TMX4: variants seen among roughly 807,000 people sequenced by gnomAD.
TMX4 encodes the protein thioredoxin related transmembrane protein 4.
TMX4 carries 23 observed loss-of-function variants against 33.3 expected under a neutral mutation model. That is an observed-to-expected ratio of 0.69 (90% CI 0.50 to 0.98). The LOEUF is 0.98. Among genes scored for constraint, TMX4 ranks in the 50% least tolerant of loss-of-function variants. The probability of loss-of-function intolerance (pLI) is 0.00; values close to 1 mark genes in which losing one functional copy is unlikely to be tolerated. For missense variants in TMX4, 399 were observed against 448.9 expected, an observed-to-expected ratio of 0.89 and a Z score of 1.01; for synonymous variants, 164 against 161.5, an observed-to-expected ratio of 1.02 and a Z score of -0.12.
intron 5 of TMX4, among the ~76,000 whole-genome samples, chr20:7,991,912 C>T (rs954362659): frequency 9.2e-5 from 14 of 151,590 alleles, no homozygotes; most frequent in Admixed American, 2.0e-4. Flanking sequence ...AAGGATAGTG[C>T]CACTCTGTAG....
At chr20:7,995,896 G>C in intron 5 of TMX4, 130 bp downstream of exon 5, 2 of 759,134 alleles carry the variant, frequency 2.6e-6, no homozygotes, top group Middle Eastern at 4.0e-4. Flanking sequence ...CATGAGAGTA[G>C]TTGCATGGCT....
chr20:8,019,629 A>T lies in TMX4; in HGVS notation c.-16T>A. The T allele has an allele frequency of 2.3e-6, 3 of 1,331,324 alleles. No homozygotes were observed. The highest frequency in any genetic ancestry group is 2.9e-6 in the Non-Finnish European group (3 of 1,040,310). 82.5% of individuals were successfully genotyped at this position (1,331,324 alleles called of 1,614,324 possible). Reference sequence around the variant, plus strand: ...CACCCGCCATGTTGGGCGCCGAGCGAGGCTTCTCGGCGGGGAGTGTGGGGA... The same window carrying T: ...CACCCGCCATGTTGGGCGCCGAGCGTGGCTTCTCGGCGGGGAGTGTGGGGA... On this transcript the variant is annotated 5_prime_UTR_variant, in exon 1 of 8. Coordinates refer to ENST00000246024, the MANE Select transcript of TMX4 (RefSeq NM_021156.4).
At chr20:8,015,008 CTT>C (rs79573868) in intron 1 of TMX4, among the ~76,000 whole-genome samples, 29 of 142,770 alleles carry the variant, frequency 2.0e-4, no homozygotes, top group Admixed American at 1.4e-4. Context: ...TTCTTTTTTT[CTT>C]TTTTTTTTTT....
intron 7 of TMX4, 67 bp downstream of exon 7, chr20:7,983,727 T>C: frequency 7.4e-7 from 1 of 1,358,014 alleles, no homozygotes. Flanking sequence ...ACTATCTATA[T>C]GAGCACAAAA....
At chr20:8,014,137 C>A (rs1191024774) in intron 1 of TMX4, among the ~76,000 whole-genome samples, 1 of 152,146 alleles carries the variant, frequency 6.6e-6, no homozygotes, top group Non-Finnish European at 1.5e-5. Flanking sequence ...CGTGTTATCA[C>A]AAAAGGTAGA....
intron 2 of TMX4, 116 bp downstream of exon 2, chr20:8,010,084 G>T: frequency 5.7e-6 from 4 of 702,564 alleles, no homozygotes. Context: ...CTACTTAAAG[G>T]TGGCCAGTTC....
At position 7,999,840 on chromosome 20, in the gene TMX4, C is replaced by T. The variant is rs777963311; in HGVS notation, c.359G>A (p.Arg120His). 42 of 1,612,848 alleles carry T rather than the reference C, an allele frequency of 2.6e-5. No individual in the cohort carries two copies. In the Admixed American group the frequency reaches 4.3e-4, roughly 17 times the overall value. The change falls in exon 4 of 8, where the codon CGC becomes CAC. Residue 120 changes from arginine to histidine, a missense_variant. Arg to His is a conservative substitution (Grantham distance 29). Transcript: ENST00000246024. ...AFFHAKDGIF[R>H]RYRGPGIFED... ...GAAGATTCCTGGGCCACGATAACGG[C>T]GGAATATCCCATCCTTTGCACTATA...
intron 5 of TMX4, among the ~76,000 whole-genome samples, chr20:7,993,705 A>T (rs2050664507): frequency 1.3e-5 from 2 of 152,110 alleles, no homozygotes; most frequent in African/African-American, 4.8e-5. Flanking sequence ...TAAATCACAA[A>T]AGTTGGCAAG....
Position 7,983,829 on chromosome 20 carries a change from T to C in TMX4, c.644A>G (p.Tyr215Cys), listed in dbSNP as rs1135711. The change falls in exon 7 of 8, where the codon TAT becomes TGT. Residue 215 changes from tyrosine to cysteine, a missense_variant. Tyr to Cys is a radical substitution (Grantham distance 194). Transcript: ENST00000246024. The part of the protein sequence containing the change: ...LVLVVISECF[Y>C]VPLPRHLSER... ...AGATAAATGCCTTGGAAGTGGCACA[T>C]AGAAACATTCTGATATTACCACCAA... The C allele has an allele frequency of 0.051, 82,536 of 1,613,022 alleles. 2,550 individuals are homozygous for C. The highest frequency in any genetic ancestry group is 0.062 in the Non-Finnish European group (72,528 of 1,179,290).
At chr20:7,982,747 G>A in intron 7 of TMX4, 126 bp from the exon 8 acceptor site, 6 of 1,071,536 alleles carry the variant, frequency 5.6e-6, no homozygotes, top group Non-Finnish European at 5.3e-6. Flanking sequence ...TGAAACTATG[G>A]TCATATAGGA....
chr20:7,993,667 T>C (rs965164718), intron 5 of TMX4, among the ~76,000 whole-genome samples: 1 of 152,038 alleles, frequency 6.6e-6, no homozygotes, highest in African/African-American at 2.4e-5. Context: ...ACAGATCTGA[T>C]GAAAGGATGG....
chr20:7,987,448 A>G (rs760112061), intron 5 of TMX4, 59 bp from the exon 6 acceptor site: 1 of 1,222,162 alleles, frequency 8.2e-7, no homozygotes, highest in East Asian at 2.7e-5. Flanking sequence ...AAATATTTCA[A>G]TCTCTCTCTC....
At chr20:8,019,334 G>A in intron 1 of TMX4, 104 bp downstream of exon 1, 1 of 1,339,868 alleles carries the variant, frequency 7.5e-7, no homozygotes. Flanking sequence ...GGGGTTTTAG[G>A]TTGAGCCCAA....
chr20:8,007,796 A>C (rs1215514440), intron 2 of TMX4, among the ~76,000 whole-genome samples: 1 of 152,230 alleles, frequency 6.6e-6, no homozygotes, highest in Non-Finnish European at 1.5e-5. Flanking sequence ...ATTGAAACCT[A>C]TTTATCTCTG....
At chr20:8,002,067 G>A (rs1330356454) in intron 2 of TMX4, among the ~76,000 whole-genome samples, 2 of 152,056 alleles carry the variant, frequency 1.3e-5, no homozygotes, top group Non-Finnish European at 2.9e-5. Context: ...TATAATGTTT[G>A]TACATTTATA....
intron 3 of TMX4, among the ~76,000 whole-genome samples, chr20:8,000,430 C>T (rs6055452): frequency 0.26 from 39,064 of 151,912 alleles, 9,279 homozygotes; most frequent in African/African-American, 0.6. Context: ...ACCACTCATA[C>T]TGGGGGTCTC....
chr20:8,010,434 C>T lies in TMX4; in HGVS notation c.177-119G>A, dbSNP rs868496257. 1.9e-5 allele frequency: 11 copies of T among 584,060 alleles called. 1 individual carries two copies. The South Asian group carries it at 4.7e-4, about 25-fold the overall frequency. 36.2% of individuals were successfully genotyped at this position (584,060 alleles called of 1,614,324 possible). A position where few individuals can be genotyped will look rare whatever the true frequency, so the allele number is the denominator to read the frequency against. On this transcript the variant is annotated intron_variant, in intron 1 of 7. Transcript: ENST00000246024. The stretch of plus-strand genomic sequence containing the variant: ...AAAAAAGGGAAATTATAAAAGGAGG[C>T]TTTTCCAAAGTCATTTGACATAGAA...
intron 2 of TMX4, among the ~76,000 whole-genome samples, chr20:8,003,722 A>G (rs1265535618): frequency 3.9e-5 from 6 of 152,182 alleles, no homozygotes; most frequent in African/African-American, 9.6e-5. Flanking sequence ...GCTAAAAGGA[A>G]TAACAGGAGA....
At chr20:7,996,629 G>A (rs376535135) in intron 4 of TMX4, among the ~76,000 whole-genome samples, 1 of 152,074 alleles carries the variant, frequency 6.6e-6, no homozygotes, top group Non-Finnish European at 1.5e-5. Context: ...GACAGGAAAA[G>A]TCTAACTCTC....
Sources: gnomAD v4.1 joint callset for allele counts (sites outside exome capture counted in the v4.1 genomes callset) on GRCh38, gnomAD v4.1.1 for gene constraint, MANE v1.5 for transcripts, NCBI Gene and HGNC (gene_info 2026-07-23, HGNC 2026-07-21) for gene names.